Variants in STK32C observed in about 807,000 individuals in gnomAD.
STK32C encodes the protein serine/threonine kinase 32C, also known as serine/threonine-protein kinase 32C.
A neutral mutation model predicts 56.5 loss-of-function variants in STK32C; 31 were observed. The ratio of observed to expected loss-of-function variants is 0.55; its 90% CI spans 0.41 to 0.74. The LOEUF is 0.74. Ranked by LOEUF, STK32C falls within the 30% of genes least tolerant of loss-of-function variation. The probability of loss-of-function intolerance (pLI) is 0.00; values close to 1 mark genes in which losing one functional copy is unlikely to be tolerated. For missense variants in STK32C, 544 were observed against 676.9 expected, an observed-to-expected ratio of 0.80 and a Z score of 2.18; for synonymous variants, 309 against 289.4, an observed-to-expected ratio of 1.07 and a Z score of -0.69.
chr10:132,254,913 G>A (rs1347273132), intron 1 of STK32C, among the ~76,000 whole-genome samples: 4 of 152,106 alleles, frequency 2.6e-5, no homozygotes, highest in Non-Finnish European at 2.9e-5. Flanking sequence ...GAGCTGCCAC[G>A]TGGTGGATGA....
chr10:132,307,212 T>A lies in STK32C; in HGVS notation c.262+360A>T, dbSNP rs930159848. The stretch of plus-strand genomic sequence containing the variant: ...GGTGAGCGCCTCTCTAACTGCAAAG[T>A]ACAAACGAGCCCGCACGTGGGCCCG... On this transcript the variant is annotated intron_variant, in intron 1 of 11. Coordinates refer to ENST00000298630, the MANE Select transcript of STK32C (RefSeq NM_173575.4). This position sits in a 1 kb window ranked among gnomAD's most constrained non-coding sequence, Gnocchi z 4.4. 2.0e-4 allele frequency: 35 copies of A among 175,560 alleles called. No homozygotes were observed. The highest frequency in any genetic ancestry group is 1.7e-3 in the Admixed American group (26 of 15,652). 10.9% of individuals were successfully genotyped at this position (175,560 alleles called of 1,614,324 possible).
rs180749200 is a variant in STK32C at position 132,279,197 on chromosome 10, G to A, written c.262+28375C>T. ...AAGCCCACAAAAATTCATCAAGACC[G>A]ATGTGCAGTGACTTTCACGACTGAA... On this transcript the variant is annotated intron_variant, in intron 1 of 11. Coordinates refer to ENST00000298630, the MANE Select transcript of STK32C (RefSeq NM_173575.4). Among the ~76,000 whole-genome samples the A allele has an allele frequency of 5.3e-5, 8 of 152,276 alleles. No homozygotes were observed. In the East Asian group the frequency reaches 9.6e-4, roughly 18 times the overall value.
chr10:132,246,311 A>G (rs1345209105), intron 1 of STK32C, among the ~76,000 whole-genome samples: 2 of 152,238 alleles, frequency 1.3e-5, no homozygotes, highest in Non-Finnish European at 2.9e-5. Flanking sequence ...AAGCTGCTCC[A>G]TCCAGTGAAG....
downstream of STK32C, among the ~76,000 whole-genome samples, chr10:132,320,505 C>T (rs533076317): frequency 1.3e-4 from 20 of 151,928 alleles, no homozygotes; most frequent in South Asian, 4.2e-4. Flanking sequence ...TTGTTGGCCA[C>T]GGTTATGGAA....
chr10:132,245,500 C>T (rs1199587821), intron 2 of STK32C, among the ~76,000 whole-genome samples: 4 of 152,220 alleles, frequency 2.6e-5, no homozygotes, highest in South Asian at 2.1e-4. Context: ...GCACTCTGGA[C>T]GGGGCTGGAG....
intron 1 of STK32C, among the ~76,000 whole-genome samples, chr10:132,326,542 C>T (rs2066502702): frequency 6.6e-6 from 1 of 152,316 alleles, no homozygotes; most frequent in South Asian, 2.1e-4. Flanking sequence ...CAGCTAGTCT[C>T]GATCTCTTGA....
At chr10:132,242,496 A>G (rs2063539155) in intron 2 of STK32C, among the ~76,000 whole-genome samples, 1 of 152,052 alleles carries the variant, frequency 6.6e-6, no homozygotes, top group Non-Finnish European at 1.5e-5. Flanking sequence ...CTGCCAGCAC[A>G]GCCCCCCTGC....
chr10:132,225,731 AC>A lies in STK32C; in HGVS notation c.682+15del. Reference sequence around the variant, plus strand: ...GCCACCACCCACCTGGGCTGCCCACACCCAACCCCACACACCTCTCTCATCC... The same window carrying A: ...GCCACCACCCACCTGGGCTGCCCACACCAACCCCACACACCTCTCTCATCC... On this transcript the variant is annotated intron_variant, in intron 5 of 11. Transcript: ENST00000298630. The A allele has an allele frequency of 6.2e-6, 10 of 1,613,930 alleles. No homozygotes were observed. The highest frequency in any genetic ancestry group is 8.5e-6 in the Non-Finnish European group (10 of 1,179,966).
intron 1 of STK32C, among the ~76,000 whole-genome samples, chr10:132,246,388 C>T (rs2063692843): frequency 6.6e-6 from 1 of 152,222 alleles, no homozygotes; most frequent in Non-Finnish European, 1.5e-5. Flanking sequence ...GTTCCTGGTT[C>T]CCCTCCACCC....
At chr10:132,218,262 T>C (rs1303496504) in intron 10 of STK32C, among the ~76,000 whole-genome samples, 1 of 152,094 alleles carries the variant, frequency 6.6e-6, no homozygotes, top group East Asian at 1.9e-4. Context: ...AAGGCTGAAG[T>C]GAGCCTTCAT....
rs116742688 is a variant in STK32C at position 132,307,200 on chromosome 10, C to T, written c.262+372G>A. 1,300 of 163,096 alleles carry T rather than the reference C, an allele frequency of 8.0e-3. 23 individuals are homozygous for T. The highest frequency in any genetic ancestry group is 0.029 in the African/African-American group (1,208 of 41,836). 10.1% of individuals were successfully genotyped at this position (163,096 alleles called of 1,614,324 possible). A position where few individuals can be genotyped will look rare whatever the true frequency, so the allele number is the denominator to read the frequency against. ...TCGGGCGGCACAGGTGAGCGCCTCT[C>T]TAACTGCAAAGTACAAACGAGCCCG... On this transcript the variant is annotated intron_variant, in intron 1 of 11. Coordinates refer to ENST00000298630, the MANE Select transcript of STK32C (RefSeq NM_173575.4). This position sits in a 1 kb window ranked among gnomAD's most constrained non-coding sequence, Gnocchi z 4.4.
At chr10:132,225,706 G>C in intron 5 of STK32C, 41 bp downstream of exon 5, 1 of 1,613,284 alleles carries the variant, frequency 6.2e-7, no homozygotes, top group Non-Finnish European at 8.5e-7. Context: ...GCCCATCCCT[G>C]CCACCACCCA....
chr10:132,217,405 A>G (rs2062506004), intron 10 of STK32C, among the ~76,000 whole-genome samples: 1 of 152,200 alleles, frequency 6.6e-6, no homozygotes, highest in Admixed American at 6.5e-5. Context: ...TTGATTTTAC[A>G]GACTCATAGG....
At chr10:132,323,608 G>C (rs1395106836), downstream of STK32C, among the ~76,000 whole-genome samples, 1 of 152,214 alleles carries the variant, frequency 6.6e-6, no homozygotes, top group Non-Finnish European at 1.5e-5. This position sits in a 1 kb window ranked among gnomAD's most constrained non-coding sequence, Gnocchi z 4.8. Context: ...TCAGGTTAAA[G>C]AATTTAAGAT....
intron 1 of STK32C, chr10:132,331,342 C>T: frequency 1.5e-6 from 2 of 1,302,342 alleles, no homozygotes; most frequent in Non-Finnish European, 2.1e-6. Context: ...CACGGGACTC[C>T]AGGGTTCCAC....
intron 1 of STK32C, chr10:132,249,145 G>T: frequency 2.3e-6 from 1 of 440,176 alleles, no homozygotes; most frequent in South Asian, 1.6e-5. Context: ...AGGGCGTGCA[G>T]GGGGCGGGGC....
intron 1 of STK32C, among the ~76,000 whole-genome samples, chr10:132,263,170 G>A (rs546725775): frequency 6.6e-6 from 1 of 152,314 alleles, no homozygotes; most frequent in African/African-American, 2.4e-5. Flanking sequence ...AATCACAACA[G>A]CAATGACGTG....
At chr10:132,291,249 C>G (rs897252395) in intron 1 of STK32C, among the ~76,000 whole-genome samples, 12 of 152,230 alleles carry the variant, frequency 7.9e-5, no homozygotes, top group African/African-American at 2.9e-4. Flanking sequence ...CATTTTGGCA[C>G]AGGTTTCCTG....
At chr10:132,216,727 A>G (rs117311166) in intron 10 of STK32C, among the ~76,000 whole-genome samples, 17,639 of 152,222 alleles carry the variant, frequency 0.12, 1,384 homozygotes, top group South Asian at 0.16. Context: ...TGCTCCAGCC[A>G]TGACTGAAAG....
Sources: gnomAD v4.1 joint callset for allele counts (sites outside exome capture counted in the v4.1 genomes callset) on GRCh38, gnomAD v4.1.1 for gene constraint, Gnocchi (gnomAD v3.1) non-coding constraint, MANE v1.5 for transcripts, NCBI Gene and HGNC (gene_info 2026-07-23, HGNC 2026-07-21) for gene names.